Variants in CDH12 observed in about 807,000 individuals in gnomAD.
The protein encoded by CDH12 is cadherin-12.
In CDH12, 41 loss-of-function variants were observed where a neutral mutation model predicts 74.1. The ratio of observed to expected loss-of-function variants is 0.55; its 90% CI spans 0.43 to 0.72. CDH12 has a LOEUF of 0.72. Ranked by LOEUF, CDH12 falls within the 30% of genes least tolerant of loss-of-function variation. CDH12 has a pLI of 0.00. For missense variants in CDH12, 945 were observed against 977.2 expected (o/e 0.97, Z 0.44); for synonymous variants, 399 against 355.0 (o/e 1.12, Z -1.39).
intron 2 of CDH12, among the ~76,000 whole-genome samples, chr5:22,451,108 T>C (rs1303795763): frequency 6.6e-6 from 1 of 151,812 alleles, no homozygotes; most frequent in Non-Finnish European, 1.5e-5. Context: ...CTTACTACTA[T>C]ATTAGGTTTC....
At chr5:22,058,106 G>C (rs1740880512) in intron 5 of CDH12, among the ~76,000 whole-genome samples, 1 of 151,704 alleles carries the variant, frequency 6.6e-6, no homozygotes, top group South Asian at 2.1e-4. Context: ...GCCCAGGCTG[G>C]AGTGCAGTGG....
chr5:22,218,206 G>T (rs908399776), intron 3 of CDH12, among the ~76,000 whole-genome samples: 2 of 151,542 alleles, frequency 1.3e-5, no homozygotes, highest in African/African-American at 4.8e-5. Flanking sequence ...AAAGTTAAAC[G>T]TATGCCTATC....
intron 1 of CDH12, among the ~76,000 whole-genome samples, chr5:22,802,417 G>A (rs928844886): frequency 6.6e-6 from 1 of 151,966 alleles, no homozygotes; most frequent in African/African-American, 2.4e-5. Flanking sequence ...ACCGTGCCTG[G>A]CCCAGAATAT....
At chr5:22,138,861 T>TATATATATATATATAC (rs1291921034) in intron 4 of CDH12, among the ~76,000 whole-genome samples, 1 of 134,496 alleles carries the variant, frequency 7.4e-6, no homozygotes, top group Non-Finnish European at 1.6e-5. Context: ...TATATATATA[T>TATATATATATATATAC]ATATATATAT....
intron 3 of CDH12, among the ~76,000 whole-genome samples, chr5:22,385,275 A>C (rs184842629): frequency 1.9e-4 from 29 of 152,320 alleles, no homozygotes; most frequent in East Asian, 7.7e-4. Context: ...AAAGCTTAAT[A>C]TACTGTGCAG....
At position 22,523,317 on chromosome 5, in the gene CDH12, A is replaced by T. The variant is rs573239958; in HGVS notation, c.-522-17953T>A. Among the ~76,000 whole-genome samples, 23 of 152,072 alleles carry T rather than the reference A, an allele frequency of 1.5e-4. No homozygotes were observed. The East Asian group carries it at 4.1e-3, about 27-fold the overall frequency. ...ATGCAAATTCTATATCTATATATGC[A>T]CTCTAGGCTCCAGTTTCTTTTCTTT... On this transcript the variant is annotated intron_variant, in intron 1 of 14. Coordinates refer to ENST00000382254, the MANE Select transcript of CDH12 (RefSeq NM_004061.5).
intron 6 of CDH12, among the ~76,000 whole-genome samples, chr5:21,925,800 T>C (rs1754558189): frequency 6.6e-6 from 1 of 152,148 alleles, no homozygotes; most frequent in Non-Finnish European, 1.5e-5. Flanking sequence ...AGTGAGTATA[T>C]GCACATACCA....
chr5:22,382,208 A>G (rs1414560787), intron 3 of CDH12, among the ~76,000 whole-genome samples: 1 of 146,008 alleles, frequency 6.8e-6, no homozygotes, highest in East Asian at 2.0e-4. Context: ...AGATATTTAT[A>G]TATTTAAAAT....
At chr5:22,821,894 A>G (rs1749719455) in intron 1 of CDH12, among the ~76,000 whole-genome samples, 1 of 151,604 alleles carries the variant, frequency 6.6e-6, no homozygotes, top group Non-Finnish European at 1.5e-5. Context: ...TAAAGTTCAT[A>G]TGGAACCAAA....
intron 5 of CDH12, among the ~76,000 whole-genome samples, chr5:22,009,939 C>CAAAAAAAAAAAAAAAAAAAAAA (rs774589642): frequency 1.3e-4 from 7 of 54,282 alleles, no homozygotes; most frequent in Admixed American, 2.2e-4. Flanking sequence ...GAAACTGTCT[C>CAAAAAAAAAAAAAAAAAAAAAA]AAAAAAAAAA....
intron 1 of CDH12, among the ~76,000 whole-genome samples, chr5:22,615,470 T>C (rs1737646971): frequency 6.6e-6 from 1 of 152,120 alleles, no homozygotes; most frequent in Admixed American, 6.6e-5. Flanking sequence ...TTGGAAATAT[T>C]GTGAAAAGCA....
At chr5:22,135,209 C>CA (rs5866550) in intron 4 of CDH12, among the ~76,000 whole-genome samples, 55,491 of 118,902 alleles carry the variant, frequency 0.47, 11,686 homozygotes, top group Middle Eastern at 0.57. Context: ...AACACATAAG[C>CA]AAAAAAAAAA....
At chr5:21,963,057 C>T (rs1214496450) in intron 6 of CDH12, among the ~76,000 whole-genome samples, 4 of 152,016 alleles carry the variant, frequency 2.6e-5, no homozygotes, top group Non-Finnish European at 5.9e-5. Flanking sequence ...TCTCAGATAA[C>T]AATCACTTAA....
In CDH12 at chr5:22,453,450, T is replaced by C. The variant is rs972252581; in HGVS notation, c.-427-48099A>G. 3.0e-4 allele frequency among the ~76,000 whole-genome samples: 46 copies of C among 152,100 alleles called. 1 individual carries two copies. The highest frequency in any genetic ancestry group is 1.0e-3 in the African/African-American group (42 of 41,438). ...TTGTTTGTGTCAACATAGATGAATG[T>C]AGAGGACATTATATTAAGTGAAATA... On this transcript the variant is annotated intron_variant, in intron 2 of 14. Coordinates refer to ENST00000382254, the MANE Select transcript of CDH12 (RefSeq NM_004061.5).
chr5:21,761,520 A>G (rs1393070610), intron 12 of CDH12, among the ~76,000 whole-genome samples: 1 of 152,130 alleles, frequency 6.6e-6, no homozygotes, highest in Non-Finnish European at 1.5e-5. Context: ...ATGCTCTCAG[A>G]CTACATTTGA....
In CDH12 at chr5:22,339,916, TTA is replaced by T. The variant is rs1429839100; in HGVS notation, c.-333+65339_-333+65340del. ...TGTTGCATTTCCTTAAAATTTAAAT[TTA>T]TGTCATAATTATGTATTGCTAATAT... On this transcript the variant is annotated intron_variant, in intron 3 of 14. Transcript: ENST00000382254. 3.3e-5 allele frequency among the ~76,000 whole-genome samples: 5 copies of T among 152,312 alleles called. No homozygotes were observed. In the East Asian group the frequency reaches 5.8e-4, roughly 18 times the overall value.
intron 4 of CDH12, among the ~76,000 whole-genome samples, chr5:22,177,877 A>G (rs1380685968): frequency 2.6e-5 from 4 of 152,198 alleles, no homozygotes; most frequent in African/African-American, 9.6e-5. Context: ...ACAAATTAAA[A>G]GGTAGCTAGC....
chr5:21,754,983 G>GT (rs1744304199), intron 14 of CDH12, among the ~76,000 whole-genome samples: 2 of 152,154 alleles, frequency 1.3e-5, no homozygotes, highest in Admixed American at 1.3e-4. Flanking sequence ...AGATATTTTA[G>GT]TCTGTTCTGT....
chr5:21,939,708 GA>G (rs1349371041), intron 6 of CDH12, among the ~76,000 whole-genome samples: 1 of 152,124 alleles, frequency 6.6e-6, no homozygotes, highest in Non-Finnish European at 1.5e-5. Flanking sequence ...AATGAAAAGA[GA>G]CTAAAATATG....
Sources: allele counts gnomAD v4.1 joint callset (sites outside exome capture counted in the v4.1 genomes callset), GRCh38; gene constraint gnomAD v4.1.1; transcripts MANE v1.5; gene names NCBI Gene and HGNC (gene_info 2026-07-23, HGNC 2026-07-21).